The following TRAK1 variants were observed in gnomAD, a reference collection of about 807,000 sequenced individuals.
TRAK1 encodes the protein trafficking kinesin protein 1.
In TRAK1, 33 loss-of-function variants were observed where a neutral mutation model predicts 92.1. The ratio of observed to expected loss-of-function variants is 0.36; its 90% confidence interval spans 0.27 to 0.48. TRAK1 has a LOEUF of 0.48. TRAK1 is among the 20% of genes least tolerant of loss of function. The probability of loss-of-function intolerance (pLI) is 0.99; values close to 1 mark genes in which losing one functional copy is unlikely to be tolerated. For missense variants in TRAK1, 1,123 were observed against 1,257.9 expected (o/e 0.89, Z 1.62); for synonymous variants, 521 against 517.3 (o/e 1.01, Z -0.10).
intron 1 of TRAK1, among the ~76,000 whole-genome samples, chr3:42,068,156 T>TA (rs2148933946): frequency 6.6e-6 from 1 of 150,978 alleles, no homozygotes; most frequent in Admixed American, 6.6e-5. Context: ...CGAGACTCTG[T>TA]CTAAAAAAAA....
In TRAK1 at chr3:42,122,467, A is replaced by G. The variant is rs762606613; in HGVS notation, c.92-2953A>G. ...GTGTTGGTTCCCTGCCTGTTCTACT[A>G]GGGATAGGCTGGCACTGCCTTCTGT... is the stretch of plus-strand genomic sequence containing the variant. On this transcript the variant is annotated intron_variant, in intron 1 of 15. Coordinates refer to ENST00000327628, the MANE Select transcript of TRAK1 (RefSeq NM_001042646.3). 1.0e-3 allele frequency among the ~76,000 whole-genome samples: 152 copies of G among 151,710 alleles called. 1 individual carries two copies. Among genetic ancestry groups the G allele is most frequent in the Admixed American group, 1.2e-3 (18 of 15,216 alleles).
At chr3:42,161,374 T>A (rs11921060) in intron 2 of TRAK1, among the ~76,000 whole-genome samples, 6,149 of 152,228 alleles carry the variant, frequency 0.04, 439 homozygotes, top group African/African-American at 0.14. Context: ...TGGGATAACT[T>A]TTTTCTTTTT....
At chr3:42,104,981 C>T (rs564845199) in intron 1 of TRAK1, among the ~76,000 whole-genome samples, 12 of 140,200 alleles carry the variant, frequency 8.6e-5, no homozygotes, top group Non-Finnish European at 1.1e-4. Context: ...GACAGAGTTT[C>T]GCTTTTGTTG....
At chr3:42,106,657 G>C (rs1179175693) in intron 1 of TRAK1, among the ~76,000 whole-genome samples, 1 of 152,128 alleles carries the variant, frequency 6.6e-6, no homozygotes, top group Middle Eastern at 3.2e-3. Context: ...TGCTTTGTAG[G>C]TTGTCCTTTG....
At chr3:42,021,881 C>T (rs1374687304) in intron 1 of TRAK1, among the ~76,000 whole-genome samples, 1 of 152,072 alleles carries the variant, frequency 6.6e-6, no homozygotes, top group Non-Finnish European at 1.5e-5. Flanking sequence ...GGCCCTCATA[C>T]AGTTATTAAG....
chr3:42,117,905 T>C (rs988401590), intron 1 of TRAK1, among the ~76,000 whole-genome samples: 4 of 152,076 alleles, frequency 2.6e-5, no homozygotes, highest in African/African-American at 9.7e-5. Context: ...GCCCAACCTC[T>C]GCCTCCTGGG....
At position 42,160,569 on chromosome 3, in the gene TRAK1, G is replaced by GTT; in HGVS notation, c.287-16237_287-16236dup. The GTT allele has an allele frequency of 1.2e-5, 14 of 1,130,632 alleles. 1 individual carries two copies. The highest frequency in any genetic ancestry group is 5.4e-5 in the South Asian group (3 of 55,334). 70.0% of individuals were successfully genotyped at this position (1,130,632 alleles called of 1,614,324 possible). On this transcript the variant is annotated intron_variant, in intron 2 of 15. Transcript: ENST00000327628. The stretch of plus-strand genomic sequence containing the variant: ...GATTTCATAGCACTGTTTTGTTTTT[G>GTT]TTTTTTTTTAAGTTGAGGTATAAGT...
At chr3:42,030,371 A>AT (rs1172520675) in intron 1 of TRAK1, among the ~76,000 whole-genome samples, 3,187 of 84,476 alleles carry the variant, frequency 0.038, 51 homozygotes, top group East Asian at 0.11. Context: ...CTAAAAAAAA[A>AT]AATATATATA....
chr3:42,015,800 G>A (rs1701499920), intron 1 of TRAK1, among the ~76,000 whole-genome samples: 1 of 152,200 alleles, frequency 6.6e-6, no homozygotes. Context: ...ATTTTGGGAG[G>A]CTGAGGCAGG....
At chr3:42,142,316 A>G (rs1188984266) in intron 2 of TRAK1, among the ~76,000 whole-genome samples, 2 of 152,210 alleles carry the variant, frequency 1.3e-5, no homozygotes, top group African/African-American at 4.8e-5. Context: ...TCCCATCCAA[A>G]TGACACACTT....
chr3:42,125,675 G>A, intron 2 of TRAK1, 61 bp downstream of exon 2: 1 of 1,567,524 alleles, frequency 6.4e-7, no homozygotes, highest in Non-Finnish European at 8.7e-7. Context: ...CTTAGCCATG[G>A]CCCCAAATAA....
At chr3:42,069,381 C>G (rs1305552832) in intron 1 of TRAK1, among the ~76,000 whole-genome samples, 1 of 151,124 alleles carries the variant, frequency 6.6e-6, no homozygotes, top group East Asian at 1.9e-4. Flanking sequence ...GTGCTAAGCT[C>G]ACTTAGCTGT....
chr3:42,142,611 A>G (rs1698814897), intron 2 of TRAK1, among the ~76,000 whole-genome samples: 1 of 152,208 alleles, frequency 6.6e-6, no homozygotes, highest in Admixed American at 6.5e-5. Flanking sequence ...ACTTAGAGAC[A>G]TATTTGTACA....
intron 1 of TRAK1, among the ~76,000 whole-genome samples, chr3:42,081,660 G>A (rs1293936489): frequency 6.6e-6 from 1 of 152,108 alleles, no homozygotes; most frequent in Non-Finnish European, 1.5e-5. Flanking sequence ...TGTGGAGAAA[G>A]GATCCATAGT....
chr3:42,208,956 G>C (rs1360036952), intron 13 of TRAK1, among the ~76,000 whole-genome samples: 1 of 152,148 alleles, frequency 6.6e-6, no homozygotes, highest in Non-Finnish European at 1.5e-5. Flanking sequence ...GCTTGGCCTA[G>C]GAACACTTCT....
At chr3:42,185,453 G>A (rs1222875066) in intron 4 of TRAK1, among the ~76,000 whole-genome samples, 5 of 152,158 alleles carry the variant, frequency 3.3e-5, no homozygotes, top group African/African-American at 1.2e-4. Context: ...TTATCTTAGG[G>A]TATCTAGGTT....
intron 1 of TRAK1, among the ~76,000 whole-genome samples, chr3:42,108,422 T>A (rs1395269269): frequency 6.7e-6 from 1 of 149,666 alleles, no homozygotes; most frequent in African/African-American, 2.5e-5. Flanking sequence ...GCCCAGGAAG[T>A]TGAGGCTGCA....
chr3:42,157,457 C>CA (rs60622565), intron 2 of TRAK1, among the ~76,000 whole-genome samples: 1,411 of 30,988 alleles, frequency 0.046, 272 homozygotes, highest in Non-Finnish European at 0.054. Flanking sequence ...GACCCTGTCT[C>CA]AAAAAAAAAA....
At chr3:42,160,095 A>G in intron 2 of TRAK1, 1 of 609,416 alleles carries the variant, frequency 1.6e-6, no homozygotes, top group Non-Finnish European at 2.2e-6. Flanking sequence ...GGGCATTCCC[A>G]CCCCGCCAAG....
Sources: allele counts gnomAD v4.1 joint callset (sites outside exome capture counted in the v4.1 genomes callset), GRCh38; gene constraint gnomAD v4.1.1; transcripts MANE v1.5; gene names NCBI Gene and HGNC (gene_info 2026-07-23, HGNC 2026-07-21).